The following SFI1 variants were observed in gnomAD, a reference collection of about 807,000 sequenced individuals.
The protein encoded by SFI1 is protein SFI1 homolog.
SFI1 carries 195 observed loss-of-function variants against 207.5 expected under a neutral mutation model. That is an observed-to-expected ratio of 0.94 (90% CI 0.84 to 1.06). The LOEUF (loss-of-function observed/expected upper bound fraction) is 1.06, where lower values mean the gene tolerates loss of function less well. SFI1 is among the 50% of genes least tolerant of loss of function. SFI1 has a pLI of 0.00. For synonymous variants in SFI1, 630 were observed against 598.9 expected (o/e 1.05, Z -0.76); for missense variants, 1,634 against 1,588.0 (o/e 1.03, Z -0.49).
At chr22:31,611,586 C>G (rs2070150814) in intron 23 of SFI1, among the ~76,000 whole-genome samples, 180 bp from the exon 24 acceptor site, 1 of 152,190 alleles carries the variant, frequency 6.6e-6, no homozygotes, top group Non-Finnish European at 1.5e-5. Flanking sequence ...TGCTGGGGGA[C>G]CTACAGAGTG....
chr22:31,534,035 A>G (rs1170566631), intron 4 of SFI1, among the ~76,000 whole-genome samples: 2 of 152,222 alleles, frequency 1.3e-5, no homozygotes, highest in Admixed American at 1.3e-4. Context: ...TAGATAAGAC[A>G]GAGTCCTTAG....
intron 21 of SFI1, 135 bp from the exon 22 acceptor site, chr22:31,607,801 AC>A: frequency 1.5e-6 from 1 of 658,190 alleles, no homozygotes; most frequent in South Asian, 1.9e-5. Context: ...CAAGGCAGTT[AC>A]TTCCTGGACC....
At chr22:31,594,979 A>T (rs188847535) in intron 15 of SFI1, among the ~76,000 whole-genome samples, 1 of 151,964 alleles carries the variant, frequency 6.6e-6, no homozygotes, top group African/African-American at 2.4e-5. Flanking sequence ...TGAAGAAATA[A>T]TAATAATTTA....
upstream of SFI1, chr22:31,496,377 C>T (rs1056658186): frequency 2.0e-5 from 3 of 152,340 alleles, no homozygotes; most frequent in African/African-American, 7.2e-5. Flanking sequence ...AACCGATTCT[C>T]ATTGCTGCTG....
chr22:31,531,077 T>A lies in SFI1; in HGVS notation c.286T>A (p.Leu96Ile), dbSNP rs2058474774. ...TTTCAGATGCGTGGCCAGAAAGTTCTTATATTTATGGATTCGAATGACTTT... is the reference window on the plus strand; with the variant it reads ...TTTCAGATGCGTGGCCAGAAAGTTCATATATTTATGGATTCGAATGACTTT... Reference protein sequence around the residue: ...LRIRCVARKFLYLWIRMTFGR... With the variant: ...LRIRCVARKFIYLWIRMTFGR... Residue 96 changes from leucine to isoleucine, a missense_variant, in exon 4 of 33, where the codon TTA becomes ATA. Coordinates refer to ENST00000400288, the MANE Select transcript of SFI1 (RefSeq NM_001007467.3). The A allele has an allele frequency of 6.2e-7, 1 of 1,613,470 alleles. No homozygotes were observed.
At chr22:31,608,918 A>T (rs2069556064) in intron 22 of SFI1, among the ~76,000 whole-genome samples, 1 of 152,022 alleles carries the variant, frequency 6.6e-6, no homozygotes, top group African/African-American at 2.4e-5. Context: ...AGGTGGGAGG[A>T]TCACTTGAGC....
intron 2 of SFI1, among the ~76,000 whole-genome samples, chr22:31,527,970 T>C (rs1421096130): frequency 6.6e-6 from 1 of 151,704 alleles, no homozygotes; most frequent in Non-Finnish European, 1.5e-5. Context: ...AAAACTTAGC[T>C]GGGCACGGTA....
intron 2 of SFI1, among the ~76,000 whole-genome samples, chr22:31,513,280 C>T (rs930603268): frequency 6.6e-6 from 1 of 151,418 alleles, no homozygotes; most frequent in Admixed American, 6.6e-5. Flanking sequence ...TGCCTCAGAC[C>T]CCCAAGTAGC....
At chr22:31,536,834 T>C (rs931669232) in intron 4 of SFI1, among the ~76,000 whole-genome samples, 3 of 152,210 alleles carry the variant, frequency 2.0e-5, no homozygotes, top group African/African-American at 7.2e-5. Flanking sequence ...TAGAAGTACA[T>C]TGACTCTAAG....
chr22:31,550,115 G>C, intron 5 of SFI1, 139 bp from the exon 6 acceptor site: 1 of 571,054 alleles, frequency 1.8e-6, no homozygotes, highest in Non-Finnish European at 3.1e-6. Flanking sequence ...TTTTAGTTGA[G>C]ATGGGGTTTC....
At chr22:31,605,405 G>A (rs994140355) in intron 20 of SFI1, 6 of 153,810 alleles carry the variant, frequency 3.9e-5, no homozygotes, top group African/African-American at 1.4e-4. Flanking sequence ...CACCCCTGTG[G>A]AGGGTGCTTC....
At chr22:31,575,479 A>G (rs760699061) in intron 10 of SFI1, 87 bp downstream of exon 10, 15 of 1,345,872 alleles carry the variant, frequency 1.1e-5, no homozygotes, top group Non-Finnish European at 1.5e-5. Context: ...CATGAGATAC[A>G]TGGGAAACAA....
Position 31,575,357 on chromosome 22 carries a change from T to C in SFI1, c.1049T>C (p.Met350Thr). 1 of 1,612,318 alleles carries C rather than the reference T, an allele frequency of 6.2e-7. No individual in the cohort carries two copies. The highest frequency in any genetic ancestry group is 1.3e-5 in the African/African-American group (1 of 74,974). ...CAGGTGGAGAAACTGGCCAGGAAGA[T>C]GGCCCTGCGGCGCGCCTTTACTCAC... is the stretch of plus-strand genomic sequence containing the variant. ...HAQVEKLARK[M>T]ALRRAFTHWK... The change falls in exon 10 of 33, where the codon ATG becomes ACG. Residue 350 changes from methionine to threonine, a missense_variant. By Grantham distance (81) the Met-to-Thr change is moderately conservative (BLOSUM62 -1). Coordinates refer to ENST00000400288, the MANE Select transcript of SFI1 (RefSeq NM_001007467.3).
intron 4 of SFI1, among the ~76,000 whole-genome samples, chr22:31,531,882 A>G (rs1309250434): frequency 2.0e-5 from 3 of 150,522 alleles, no homozygotes; most frequent in Non-Finnish European, 4.4e-5. Context: ...AACAAGAGCG[A>G]AAGTCCCTCT....
Position 31,608,685 on chromosome 22 carries a change from TG to T in SFI1, c.2254+656del, listed in dbSNP as rs536786585. Among the ~76,000 whole-genome samples, 247 of 152,044 alleles carry T rather than the reference TG, an allele frequency of 1.6e-3. 1 individual carries two copies. Among genetic ancestry groups the T allele is most frequent in the African/African-American group, 5.8e-3 (240 of 41,498 alleles). On this transcript the variant is annotated intron_variant, in intron 22 of 32. Transcript: ENST00000400288. ...CTGGAATGGAGGAGCTTGGGGTGGT[TG>T]GGGAGGGGGTTGTTTTGATGGGAAA...
rs1463601395 is a variant in SFI1, at chr22:31,547,924, A to G, written c.449+953A>G. Reference sequence around the variant, plus strand: ...CACACCCGGCCTTGTTTTAAAAATAATAAATTGTGGCCGGGCATGGTGGCT... The same window carrying G: ...CACACCCGGCCTTGTTTTAAAAATAGTAAATTGTGGCCGGGCATGGTGGCT... On this transcript the variant is annotated intron_variant, in intron 5 of 32. Coordinates refer to ENST00000400288, the MANE Select transcript of SFI1 (RefSeq NM_001007467.3). Among the ~76,000 whole-genome samples, 2 of 150,110 alleles carry G rather than the reference A, an allele frequency of 1.3e-5. 1 individual carries two copies. Among genetic ancestry groups the G allele is most frequent in the East Asian group, 4.1e-4 (2 of 4,850 alleles).
chr22:31,618,036 C>T, intron 31 of SFI1, 79 bp from the exon 32 acceptor site: 6 of 1,457,858 alleles, frequency 4.1e-6, no homozygotes, highest in Non-Finnish European at 5.5e-6. Flanking sequence ...TCAGAATTAG[C>T]TGAGGTGCCT....
At chr22:31,517,561 A>G (rs1217133762) in intron 2 of SFI1, among the ~76,000 whole-genome samples, 3 of 152,084 alleles carry the variant, frequency 2.0e-5, no homozygotes, top group African/African-American at 7.2e-5. Context: ...GATATTCTGT[A>G]TCATCTTTAA....
intron 8 of SFI1, among the ~76,000 whole-genome samples, chr22:31,565,924 T>G (rs1462371125): frequency 6.6e-6 from 1 of 152,048 alleles, no homozygotes; most frequent in Non-Finnish European, 1.5e-5. Flanking sequence ...ACACCTTGGC[T>G]TCTTAAAGTG....
Sources: gnomAD v4.1 joint callset for allele counts (sites outside exome capture counted in the v4.1 genomes callset) on GRCh38, gnomAD v4.1.1 for gene constraint, MANE v1.5 for transcripts, NCBI Gene and HGNC (gene_info 2026-07-23, HGNC 2026-07-21) for gene names.